ZNF423: variants seen among roughly 807,000 people sequenced by gnomAD.
ZNF423 encodes Ebf-associated zinc finger protein.
In ZNF423, 12 loss-of-function variants were observed where a neutral mutation model predicts 95.8. That is an observed-to-expected ratio of 0.13 (90% confidence interval 0.08 to 0.20). The LOEUF (loss-of-function observed/expected upper bound fraction) is 0.20. ZNF423 is among the 10% of genes least tolerant of loss of function. The pLI is 1.00. For synonymous variants in ZNF423, 749 were observed against 711.9 expected (o/e 1.05, Z -0.83); for missense variants, 1,316 against 1,737.1 (o/e 0.76, Z 4.31).
chr16:49,785,052 T>A (rs954099462), intron 2 of ZNF423, among the ~76,000 whole-genome samples: 1 of 152,056 alleles, frequency 6.6e-6, no homozygotes, highest in Non-Finnish European at 1.5e-5. Context: ...TTTTTATTAT[T>A]TTTTTCTTTT....
At chr16:49,690,106 T>C (rs146727603) in intron 3 of ZNF423, among the ~76,000 whole-genome samples, 43 of 152,310 alleles carry the variant, frequency 2.8e-4, no homozygotes, top group African/African-American at 9.9e-4. Context: ...TGCAGCCCAG[T>C]GTACAAGGCA....
At chr16:49,554,503 C>T (rs1466501924) in intron 5 of ZNF423, among the ~76,000 whole-genome samples, 2 of 152,044 alleles carry the variant, frequency 1.3e-5, no homozygotes, top group African/African-American at 4.8e-5. Context: ...TGCCAAGAAT[C>T]GACTGGGCAG....
At chr16:49,819,997 G>T (rs61365223) in intron 1 of ZNF423, among the ~76,000 whole-genome samples, 1 of 152,098 alleles carries the variant, frequency 6.6e-6, no homozygotes, top group Non-Finnish European at 1.5e-5. Flanking sequence ...TAGGTTAGGA[G>T]TATTATTAAA....
chr16:49,818,919 A>C (rs1228483072), intron 1 of ZNF423, among the ~76,000 whole-genome samples: 1 of 152,046 alleles, frequency 6.6e-6, no homozygotes, highest in Non-Finnish European at 1.5e-5. Flanking sequence ...ACATATTGTT[A>C]AAATAAATAT....
At chr16:49,628,170 A>G (rs1235080073) in intron 4 of ZNF423, among the ~76,000 whole-genome samples, 1 of 139,384 alleles carries the variant, frequency 7.2e-6, no homozygotes, top group Non-Finnish European at 1.6e-5. Flanking sequence ...ATCTACATAC[A>G]TACCCACCCA....
chr16:49,741,399 C>T (rs781192517), intron 2 of ZNF423, among the ~76,000 whole-genome samples: 6 of 151,988 alleles, frequency 3.9e-5, no homozygotes, highest in African/African-American at 1.2e-4. Context: ...CCCAGCTACT[C>T]GGGGGGCTGA....
chr16:49,593,451 C>G (rs569529066), intron 5 of ZNF423, among the ~76,000 whole-genome samples: 1 of 151,806 alleles, frequency 6.6e-6, no homozygotes, highest in Non-Finnish European at 1.5e-5. Context: ...AAAAAAATTT[C>G]TCTGCCATTC....
intron 3 of ZNF423, among the ~76,000 whole-genome samples, chr16:49,665,687 T>C (rs1204300327): frequency 6.6e-6 from 1 of 151,794 alleles, no homozygotes; most frequent in Non-Finnish European, 1.5e-5. Flanking sequence ...CCACCCCAGC[T>C]CACAGACTCG....
chr16:49,551,836 G>A (rs1969651785), intron 5 of ZNF423, among the ~76,000 whole-genome samples: 1 of 152,320 alleles, frequency 6.6e-6, no homozygotes, highest in African/African-American at 2.4e-5. Context: ...GAAGGCATCT[G>A]ACATGGATGG....
At chr16:49,549,732 G>A (rs1386343851) in intron 5 of ZNF423, among the ~76,000 whole-genome samples, 1 of 152,232 alleles carries the variant, frequency 6.6e-6, no homozygotes, top group Admixed American at 6.5e-5. Flanking sequence ...CCATCTTACA[G>A]ATAAGGAAAC....
At position 49,491,322 on chromosome 16, in the gene ZNF423, G is replaced by C; in HGVS notation, c.3850-18C>G. On this transcript the variant is annotated intron_variant, in intron 7 of 7. Transcript: ENST00000563137. ...GTGTGGTTCTGCAAAGGCGAAGAAA[G>C]GAGACACACATGAAGGAGAAGAATG... The C allele has an allele frequency of 2.5e-6, 4 of 1,613,902 alleles. No individual in the cohort carries two copies. Among genetic ancestry groups the C allele is most frequent in the African/African-American group, 1.3e-5 (1 of 75,044 alleles).
intron 3 of ZNF423, among the ~76,000 whole-genome samples, chr16:49,643,242 T>C (rs1973042632): frequency 6.6e-6 from 1 of 152,114 alleles, no homozygotes; most frequent in Non-Finnish European, 1.5e-5. Flanking sequence ...CATTCCAGAA[T>C]TCAGGAAGAA....
chr16:49,719,303 T>C (rs2032797886), intron 3 of ZNF423, among the ~76,000 whole-genome samples: 1 of 152,182 alleles, frequency 6.6e-6, no homozygotes, highest in East Asian at 1.9e-4. Flanking sequence ...CTGAGCTGGC[T>C]CAGTGACACT....
At chr16:49,517,123 G>A (rs1597035118) in intron 7 of ZNF423, among the ~76,000 whole-genome samples, 1 of 152,228 alleles carries the variant, frequency 6.6e-6, no homozygotes, top group African/African-American at 2.4e-5. Context: ...AGAGAAGACA[G>A]AGTGTAGCTG....
intron 3 of ZNF423, among the ~76,000 whole-genome samples, chr16:49,695,451 G>A (rs1359685137): frequency 1.3e-5 from 2 of 152,202 alleles, no homozygotes; most frequent in Non-Finnish European, 2.9e-5. Context: ...GCGCCACCAA[G>A]CCCGGCTAAT....
chr16:49,837,673 C>G (rs571261947), intron 1 of ZNF423, among the ~76,000 whole-genome samples: 1 of 152,328 alleles, frequency 6.6e-6, no homozygotes, highest in East Asian at 1.9e-4. Flanking sequence ...CAGTCACACT[C>G]AAAACTCCCC....
intron 2 of ZNF423, among the ~76,000 whole-genome samples, chr16:49,765,513 C>T (rs9937585): frequency 0.55 from 83,082 of 151,744 alleles, 23,788 homozygotes; most frequent in African/African-American, 0.73. Context: ...GAGTTTGAGA[C>T]GAGCCTGGGC....
intron 1 of ZNF423, among the ~76,000 whole-genome samples, chr16:49,809,568 G>A (rs2034719327): frequency 6.6e-6 from 1 of 152,170 alleles, no homozygotes; most frequent in Non-Finnish European, 1.5e-5. Context: ...GGGACTTTGG[G>A]GAAAAGGAGA....
chr16:49,834,200 C>A (rs894998444), intron 1 of ZNF423, among the ~76,000 whole-genome samples: 1 of 152,156 alleles, frequency 6.6e-6, no homozygotes, highest in African/African-American at 2.4e-5. Context: ...AGTTCCACTA[C>A]ATACAGCCTA....
Sources: gnomAD v4.1 joint callset for allele counts (sites outside exome capture counted in the v4.1 genomes callset) on GRCh38, gnomAD v4.1.1 for gene constraint, MANE v1.5 for transcripts, NCBI Gene and HGNC (gene_info 2026-07-23, HGNC 2026-07-21) for gene names.